DEUP1: variants seen among roughly 807,000 people sequenced by gnomAD.
DEUP1 encodes coiled-coil domain containing 67.
Under a neutral mutation model 87.4 loss-of-function variants are expected in DEUP1, and 82 were observed. The observed-to-expected ratio is 0.94, with a 90% CI of 0.78 to 1.13. The LOEUF (loss-of-function observed/expected upper bound fraction) is 1.13. Ranked by LOEUF, DEUP1 falls within the 50% of genes most tolerant of loss-of-function variation. DEUP1 has a pLI of 0.00. For missense variants in DEUP1, 663 were observed against 681.5 expected (o/e 0.97, Z 0.30); for synonymous variants, 214 against 222.7 (o/e 0.96, Z 0.35).
rs191054919 is a variant in DEUP1, at chr11:93,364,907, T to C, written c.432+613T>C. On this transcript the variant is annotated intron_variant, in intron 5 of 13. Transcript: ENST00000298050. The stretch of plus-strand genomic sequence containing the variant: ...TGCACTTATTCTTATCTTCTTCGTT[T>C]TCCAACCTTGGAAAAAACAAACCAG... Among the ~76,000 whole-genome samples, 502 of 152,226 alleles carry C rather than the reference T, an allele frequency of 3.3e-3. 2 individuals are homozygous for C. The highest frequency in any genetic ancestry group is 0.011 in the African/African-American group (469 of 41,564).
intron 11 of DEUP1, among the ~76,000 whole-genome samples, chr11:93,402,380 G>A (rs11020313): frequency 0.24 from 37,100 of 151,768 alleles, 4,965 homozygotes; most frequent in Middle Eastern, 0.38. Context: ...GGATTTGGAC[G>A]AAGGGGAACC....
At chr11:93,372,745 T>C (rs1185389712) in intron 7 of DEUP1, among the ~76,000 whole-genome samples, 1 of 152,172 alleles carries the variant, frequency 6.6e-6, no homozygotes, top group East Asian at 1.9e-4. Flanking sequence ...AATACAGATG[T>C]AAACCAATAA....
At chr11:93,356,415 A>T (rs1302878736) in intron 3 of DEUP1, among the ~76,000 whole-genome samples, 1 of 152,170 alleles carries the variant, frequency 6.6e-6, no homozygotes, top group African/African-American at 2.4e-5. Flanking sequence ...TTTTATATGT[A>T]TACTGACACA....
At chr11:93,398,555 G>C (rs956233715) in intron 11 of DEUP1, among the ~76,000 whole-genome samples, 6 of 151,948 alleles carry the variant, frequency 3.9e-5, no homozygotes, top group Non-Finnish European at 7.4e-5. Flanking sequence ...TTTAATTTTT[G>C]TCATTCTGAT....
At chr11:93,360,773 C>A (rs776228582) in intron 4 of DEUP1, among the ~76,000 whole-genome samples, 4 of 151,494 alleles carry the variant, frequency 2.6e-5, no homozygotes, top group Non-Finnish European at 5.9e-5. Flanking sequence ...AGAAAATGAA[C>A]CTTGGGGACA....
At position 93,383,602 on chromosome 11, in the gene DEUP1, G is replaced by A. The variant is rs147314431; in HGVS notation, c.790-1796G>A. ...GCTGGATTGTACACTTTAAATGGGC[G>A]AATTTATGGTATGTGGATTATATTT... On this transcript the variant is annotated intron_variant, in intron 7 of 13. Transcript: ENST00000298050. The A allele has an allele frequency of 1.8e-4, 117 of 666,930 alleles. 2 individuals carry two copies. Among genetic ancestry groups the A allele is most frequent in the South Asian group, 1.7e-3 (102 of 59,320 alleles). 41.3% of individuals were successfully genotyped at this position (666,930 alleles called of 1,614,324 possible).
chr11:93,415,065 C>T lies in DEUP1; in HGVS notation c.1589C>T (p.Ala530Val), dbSNP rs759996130. 5 of 1,609,836 alleles carry T rather than the reference C, an allele frequency of 3.1e-6. No homozygotes were observed. The East Asian group carries it at 1.1e-4, about 36-fold the overall frequency. Residue 530 changes from alanine (A) to valine (V), a missense_variant, in exon 13 of 14, where the codon GCC (alanine) becomes GTC (valine). Coordinates refer to ENST00000298050, the MANE Select transcript of DEUP1 (RefSeq NM_181645.4). ...MPPLPPSTFQ[A>V]KEMTSPLVSD... ...CCCTTGCCACCTTCGACATTTCAAG[C>T]CAAAGAAATGACAAGTCCTTTGGTT... is the stretch of plus-strand genomic sequence containing the variant.
chr11:93,373,244 G>T (rs957537579), intron 7 of DEUP1, among the ~76,000 whole-genome samples: 17 of 152,044 alleles, frequency 1.1e-4, no homozygotes, highest in Admixed American at 1.1e-3. Flanking sequence ...GGTGGTGGTG[G>T]TTGGTTACAT....
At chr11:93,418,172 T>C (rs1947715754) in intron 13 of DEUP1, among the ~76,000 whole-genome samples, 1 of 151,898 alleles carries the variant, frequency 6.6e-6, no homozygotes, top group Admixed American at 6.6e-5. Context: ...AAAGCCAAAA[T>C]TGACAAATGG....
chr11:93,340,350 T>C (rs945355426), intron 2 of DEUP1, among the ~76,000 whole-genome samples: 1 of 152,052 alleles, frequency 6.6e-6, no homozygotes, highest in African/African-American at 2.4e-5. Context: ...AGGAACATGA[T>C]TGACGTTTTC....
intron 9 of DEUP1, among the ~76,000 whole-genome samples, chr11:93,392,610 C>T (rs1333268876): frequency 6.6e-6 from 1 of 151,826 alleles, no homozygotes; most frequent in Non-Finnish European, 1.5e-5. Flanking sequence ...TGCCTAGATA[C>T]TTGATGATAT....
intron 7 of DEUP1, among the ~76,000 whole-genome samples, chr11:93,381,659 A>G (rs984273142): frequency 1.3e-5 from 2 of 152,180 alleles, no homozygotes; most frequent in Non-Finnish European, 2.9e-5. Flanking sequence ...TCTAATATCT[A>G]TGACAGAAAA....
Position 93,356,945 on chromosome 11 carries a change from C to A in DEUP1, c.202-3C>A. On this transcript the variant is annotated splice_polypyrimidine_tract_variant and splice_region_variant and intron_variant, in intron 3 of 13. Coordinates refer to ENST00000298050, the MANE Select transcript of DEUP1 (RefSeq NM_181645.4). Reference sequence around the variant, plus strand: ...GCAAAATTAAATTTTATTCTTCATGCAGGTAGGGTTACTTCGACAGAAATT... The same window carrying A: ...GCAAAATTAAATTTTATTCTTCATGAAGGTAGGGTTACTTCGACAGAAATT... The A allele has an allele frequency of 6.3e-7, 1 of 1,575,656 alleles. No homozygotes were observed. The highest frequency in any genetic ancestry group is 8.6e-7 in the Non-Finnish European group (1 of 1,159,842).
At chr11:93,404,683 G>C (rs1475541302) in intron 11 of DEUP1, among the ~76,000 whole-genome samples, 1 of 151,986 alleles carries the variant, frequency 6.6e-6, no homozygotes, top group Non-Finnish European at 1.5e-5. Context: ...ATCTGTTGAA[G>C]TAAATGAGCA....
intron 2 of DEUP1, chr11:93,352,459 G>A (rs1289117962): frequency 1.4e-6 from 1 of 690,532 alleles, no homozygotes; most frequent in Non-Finnish European, 2.6e-6. Context: ...AGTCCTAGCT[G>A]TTATACTAAG....
In DEUP1 at chr11:93,438,313, A is replaced by C. The variant is rs1948302045; in HGVS notation, c.*594A>C. 6.6e-6 allele frequency: 1 copy of C among 152,186 alleles called. No homozygotes were observed. Among genetic ancestry groups the C allele is most frequent in the Non-Finnish European group, 1.5e-5 (1 of 68,050 alleles). The allele number at this position is 152,186 out of a possible 1,614,324, so 9.4% of individuals were successfully genotyped here. Reference sequence around the variant, plus strand: ...AAGGTATATGGAATGTGCAATTTACAAACCTAAAATATATGTGCCAAAAAT... The same window carrying C: ...AAGGTATATGGAATGTGCAATTTACCAACCTAAAATATATGTGCCAAAAAT... On this transcript the variant is annotated 3_prime_UTR_variant, in exon 14 of 14. Transcript: ENST00000298050.
At chr11:93,398,153 G>C (rs1419248052) in intron 11 of DEUP1, among the ~76,000 whole-genome samples, 1 of 151,956 alleles carries the variant, frequency 6.6e-6, no homozygotes, top group Non-Finnish European at 1.5e-5. Flanking sequence ...TCTTTTTAAA[G>C]TTGAATCATA....
chr11:93,377,669 T>C (rs1346813493), intron 7 of DEUP1, among the ~76,000 whole-genome samples: 1 of 152,186 alleles, frequency 6.6e-6, no homozygotes, highest in African/African-American at 2.4e-5. Context: ...AGTTGTTGCC[T>C]GAATACTTAT....
At chr11:93,434,686 G>T (rs1468892871) in intron 13 of DEUP1, among the ~76,000 whole-genome samples, 2 of 152,148 alleles carry the variant, frequency 1.3e-5, no homozygotes, top group Non-Finnish European at 2.9e-5. Context: ...AGGACCTGTA[G>T]AACAACAGAG....
Sources: gnomAD v4.1 joint callset for allele counts (sites outside exome capture counted in the v4.1 genomes callset) on GRCh38, gnomAD v4.1.1 for gene constraint, MANE v1.5 for transcripts, NCBI Gene and HGNC (gene_info 2026-07-23, HGNC 2026-07-21) for gene names.